SSC5D: variants seen among roughly 807,000 people sequenced by gnomAD.
The protein encoded by SSC5D is scavenger receptor cysteine rich family member with 5 domains.
A neutral mutation model predicts 104.6 loss-of-function variants in SSC5D; 106 were observed. That is an observed-to-expected ratio of 1.01 (90% CI 0.87 to 1.19). The LOEUF (loss-of-function observed/expected upper bound fraction) is 1.19. SSC5D is among the 50% of genes most tolerant of loss of function. SSC5D has a pLI of 0.00. For missense variants in SSC5D, 1,993 were observed against 2,153.8 expected, an observed-to-expected ratio of 0.93 and a Z score of 1.48; for synonymous variants, 860 against 883.5, an observed-to-expected ratio of 0.97 and a Z score of 0.47.
At position 55,507,684 on chromosome 19, in the gene SSC5D, A is replaced by AG. The variant is rs1555766898; in HGVS notation, c.2786-5327_2786-5326insG. 1.3e-4 allele frequency among the ~76,000 whole-genome samples: 20 copies of AG among 151,264 alleles called. No individual in the cohort carries two copies. The East Asian group carries it at 2.1e-3, about 16-fold the overall frequency. ...CCGTCTCAAAAAAAAAAAAAAAAAA[A>AG]AAAAGAAAAAAAGAGACATCTTACT... is the stretch of plus-strand genomic sequence containing the variant. On this transcript the variant is annotated intron_variant, in intron 12 of 13. Transcript: ENST00000389623.
intron 9 of SSC5D, among the ~76,000 whole-genome samples, chr19:55,498,819 G>T (rs1003861921): frequency 1.3e-5 from 2 of 152,208 alleles, no homozygotes; most frequent in Admixed American, 1.3e-4. Context: ...TAATTTGCTA[G>T]AAGAACTCTT....
intron 2 of SSC5D, 148 bp downstream of exon 2, chr19:55,489,180 A>G: frequency 1.0e-6 from 1 of 966,074 alleles, no homozygotes; most frequent in Non-Finnish European, 1.4e-6. Context: ...GGAATCCCCC[A>G]GGTGTCTGGC....
At position 55,499,931 on chromosome 19, in the gene SSC5D, T is replaced by A. The variant is rs755930751; in HGVS notation, c.1821T>A (p.Ser607Arg). The part of the protein sequence containing the change: ...PGELATKPSA[S>R]VTASVLEKTT... ...AGCTGGCCACCAAGCCCTCTGCAAG[T>A]GTGACTGCCAGTGTTCTGGAGAAAA... Residue 607 changes from serine to arginine, a missense_variant, in exon 10 of 14, where the codon AGT becomes AGA. Physicochemically the swap from Ser to Arg is moderately radical, Grantham distance 110 (BLOSUM62 -1). This residue lies in a region of SSC5D where 1,101 missense variants were observed against 1,085.0 expected (regional missense o/e 1.01). Coordinates refer to ENST00000389623, the MANE Select transcript of SSC5D (RefSeq NM_001144950.2). 33 of 1,551,708 alleles carry A rather than the reference T, an allele frequency of 2.1e-5. No homozygotes were observed. The highest frequency in any genetic ancestry group is 2.9e-5 in the Non-Finnish European group (33 of 1,146,996).
rs574488950 is a variant in SSC5D, at chr19:55,507,103, A to G, written c.2785+5902A>G. 2.6e-5 allele frequency among the ~76,000 whole-genome samples: 4 copies of G among 151,918 alleles called. No homozygotes were observed. In the East Asian group the frequency reaches 7.8e-4, roughly 30 times the overall value. On this transcript the variant is annotated intron_variant, in intron 12 of 13. Coordinates refer to ENST00000389623, the MANE Select transcript of SSC5D (RefSeq NM_001144950.2). Reference sequence around the variant, plus strand: ...AGAATCGCTTGAACCTGGGAGGCGGAGGCCACAGCGAGCCAAGATTGTGCC... The same window carrying G: ...AGAATCGCTTGAACCTGGGAGGCGGGGGCCACAGCGAGCCAAGATTGTGCC...
intron 5 of SSC5D, 125 bp downstream of exon 5, chr19:55,490,533 C>A (rs1238887641): frequency 3.3e-6 from 2 of 609,500 alleles, no homozygotes; most frequent in Non-Finnish European, 5.7e-6. Context: ...CAGTGTTCCC[C>A]GCGTCCCTCC....
intron 6 of SSC5D, among the ~76,000 whole-genome samples, chr19:55,493,256 G>A (rs1004494440): frequency 2.0e-5 from 3 of 152,112 alleles, no homozygotes; most frequent in Admixed American, 6.5e-5. Context: ...CAGTTGCCAC[G>A]ATAAAGGAGG....
In SSC5D at chr19:55,489,864, C is replaced by T; in HGVS notation, c.362-18C>T. 1.9e-6 allele frequency: 3 copies of T among 1,546,110 alleles called. No individual in the cohort carries two copies. Among genetic ancestry groups the T allele is most frequent in the Non-Finnish European group, 1.8e-6 (2 of 1,142,670 alleles). The stretch of plus-strand genomic sequence containing the variant: ...CCCTCCTCTCCTCATAGCTTCTGTC[C>T]CTGCCCCCCCGCCGCAGGTCAGCGT... On this transcript the variant is annotated intron_variant, in intron 3 of 13. Transcript: ENST00000389623.
Position 55,489,479 on chromosome 19 carries a change from C to CA in SSC5D, c.179dup (p.Leu61AlafsTer66). On this transcript the variant is annotated frameshift_variant, in exon 3 of 14. Transcript: ENST00000389623. LOFTEE classifies it high-confidence loss of function. ...GCGCGATGCCGCCGTGGCCTGCCGG[C>CA]AGCTGGGCTGCGGAGGGGCACTGGC... The CA allele has an allele frequency of 6.8e-7, 1 of 1,473,946 alleles. No individual in the cohort carries two copies. Among genetic ancestry groups the CA allele is most frequent in the Non-Finnish European group, 8.9e-7 (1 of 1,119,950 alleles). 91.3% of individuals were successfully genotyped at this position (1,473,946 alleles called of 1,614,324 possible).
At chr19:55,495,233 A>ATATATATATATATATATATATAATT (rs1555765051) in intron 8 of SSC5D, among the ~76,000 whole-genome samples, 1 of 50,664 alleles carries the variant, frequency 2.0e-5, no homozygotes, top group African/African-American at 9.8e-5. Context: ...ATATATATAT[A>ATATATATATATATATATATATAATT]TTTTTTTTTT....
chr19:55,502,562 G>C (rs1469384299), intron 12 of SSC5D, among the ~76,000 whole-genome samples: 1 of 151,596 alleles, frequency 6.6e-6, no homozygotes, highest in Non-Finnish European at 1.5e-5. Context: ...AGTTTTTCCT[G>C]GTCAATTTAT....
rs1429506290 is a variant in SSC5D, at chr19:55,489,338, T to C, written c.53-16T>C. On this transcript the variant is annotated splice_polypyrimidine_tract_variant and intron_variant, in intron 2 of 13. Transcript: ENST00000389623. ...GGATGCCCCTCCCCAGTCACAGCCA[T>C]TCCTCCAACCCTCAGAGCGCCTGCG... 14 of 1,430,522 alleles carry C rather than the reference T, an allele frequency of 9.8e-6. No individual in the cohort carries two copies. The highest frequency in any genetic ancestry group is 5.1e-4 in the Middle Eastern group (2 of 3,914). The allele number at this position is 1,430,522 out of a possible 1,614,324, so 88.6% of individuals were successfully genotyped here.
chr19:55,495,608 T>G (rs4459660), intron 8 of SSC5D, among the ~76,000 whole-genome samples: 78,127 of 151,586 alleles, frequency 0.52, 20,433 homozygotes, highest in South Asian at 0.61. Flanking sequence ...GAGGCCAGGA[T>G]CTCAGGAGAT....
intron 8 of SSC5D, among the ~76,000 whole-genome samples, chr19:55,497,377 A>G (rs1987351772): frequency 6.6e-6 from 1 of 152,256 alleles, no homozygotes; most frequent in Non-Finnish European, 1.5e-5. Context: ...ATAATGAGAG[A>G]AAATTAAGGG....
At chr19:55,501,245 C>T in intron 12 of SSC5D, 44 bp downstream of exon 12, 1 of 1,466,370 alleles carries the variant, frequency 6.8e-7, no homozygotes, top group Non-Finnish European at 9.0e-7. Flanking sequence ...CTCCATAAAC[C>T]TCCATTCGCT....
At chr19:55,504,135 G>T in intron 12 of SSC5D, 1 of 1,535,626 alleles carries the variant, frequency 6.5e-7, no homozygotes, top group Non-Finnish European at 8.7e-7. Flanking sequence ...CGGGAGCTCC[G>T]AGAGGTGATG....
Position 55,497,923 on chromosome 19 carries a change from A to G in SSC5D, c.1431A>G (p.Ser477=). The change falls in exon 9 of 14, where the codon TCA becomes TCG. Residue 477 remains serine (S), a synonymous_variant. Transcript: ENST00000389623. The part of the protein sequence containing the change: ...LRLVAGPSKC[S]GRLEVWHDQR... The stretch of plus-strand genomic sequence containing the variant: ...TGGTGGCTGGGCCCAGCAAGTGCTC[A>G]GGTCGACTGGAGGTGTGGCATGACC... 6.5e-7 allele frequency: 1 copy of G among 1,549,900 alleles called. No homozygotes were observed. The highest frequency in any genetic ancestry group is 8.7e-7 in the Non-Finnish European group (1 of 1,145,534).
chr19:55,494,804 C>A, intron 8 of SSC5D, 21 bp downstream of exon 8: 1 of 1,519,112 alleles, frequency 6.6e-7, no homozygotes, highest in Non-Finnish European at 8.9e-7. Context: ...CCATGCTCCC[C>A]AAGAAAACAG....
intron 7 of SSC5D, 81 bp downstream of exon 7, chr19:55,493,993 G>GCCCCCCCCCCCC: frequency 4.0e-6 from 1 of 247,914 alleles, no homozygotes; most frequent in Non-Finnish European, 8.2e-6. Flanking sequence ...GGGGCGGGGG[G>GCCCCCCCCCCCC]GTCCCTACGC....
chr19:55,499,793 T>C, intron 9 of SSC5D, 23 bp from the exon 10 acceptor site: 3 of 1,539,844 alleles, frequency 1.9e-6, no homozygotes, highest in South Asian at 1.2e-5. Context: ...CTGTCTTCTC[T>C]TCCTGCCCCA....
Sources: allele counts gnomAD v4.1 joint callset (sites outside exome capture counted in the v4.1 genomes callset), GRCh38; gene constraint gnomAD v4.1.1; regional missense constraint gnomAD v4.1.1; transcripts MANE v1.5; gene names NCBI Gene and HGNC (gene_info 2026-07-23, HGNC 2026-07-21).